The following CHST10 variants were observed in gnomAD, a reference collection of about 807,000 sequenced individuals.
CHST10 encodes HNK-1 sulfotransferase.
In CHST10, 24 loss-of-function variants were observed where a neutral mutation model predicts 34.7. The observed-to-expected ratio is 0.69, with a 90% CI of 0.50 to 0.97. The LOEUF is 0.97. CHST10 is among the 50% of genes least tolerant of loss of function. The pLI is 0.00. For synonymous variants in CHST10, 161 were observed against 169.3 expected, an observed-to-expected ratio of 0.95 and a Z score of 0.38; for missense variants, 402 against 452.1, an observed-to-expected ratio of 0.89 and a Z score of 1.00.
intron 5 of CHST10, among the ~76,000 whole-genome samples, chr2:100,396,549 T>C (rs551230501): frequency 2.6e-5 from 4 of 152,338 alleles, no homozygotes; most frequent in South Asian, 2.1e-4. Context: ...GTCTGTTTTA[T>C]TGATTCCTCC....
intron 1 of CHST10, chr2:100,416,754 G>A: frequency 2.8e-6 from 1 of 355,532 alleles, no homozygotes. Context: ...GAGCTAACCA[G>A]AACCTGGCTG....
chr2:100,396,489 C>G (rs915538713), intron 5 of CHST10, among the ~76,000 whole-genome samples: 1 of 152,196 alleles, frequency 6.6e-6, no homozygotes, highest in Admixed American at 6.5e-5. Context: ...AGATTGGAGT[C>G]CTGGCAGGGA....
chr2:100,396,648 A>G (rs1421525003), intron 5 of CHST10, among the ~76,000 whole-genome samples: 1 of 152,102 alleles, frequency 6.6e-6, no homozygotes, highest in South Asian at 2.1e-4. Flanking sequence ...TCTCAAGGGG[A>G]CAATGACAGA....
chr2:100,406,718 C>T lies in CHST10; in HGVS notation c.-32-11G>A. 6 of 1,611,740 alleles carry T rather than the reference C, an allele frequency of 3.7e-6. No homozygotes were observed. Among genetic ancestry groups the T allele is most frequent in the Non-Finnish European group, 4.2e-6 (5 of 1,178,990 alleles). Reference sequence around the variant, plus strand: ...ATTCACTGACTCTTCCTGGAAAACACAAGCGAGATGCCCCTGCTGCTTACA... The same window carrying T: ...ATTCACTGACTCTTCCTGGAAAACATAAGCGAGATGCCCCTGCTGCTTACA... On this transcript the variant is annotated splice_polypyrimidine_tract_variant and intron_variant, in intron 2 of 6. Coordinates refer to ENST00000264249, the MANE Select transcript of CHST10 (RefSeq NM_004854.5).
rs146092396 is a variant in CHST10, at chr2:100,405,887, A to G, written c.100+689T>C. Among the ~76,000 whole-genome samples, 727 of 152,264 alleles carry G rather than the reference A, an allele frequency of 4.8e-3. 4 individuals carry two copies. Among genetic ancestry groups the G allele is most frequent in the Middle Eastern group, 0.02 (6 of 294 alleles). Reference sequence around the variant, plus strand: ...CCTCTTTGGACATATCCAGCACTCCACAGACCACAGAGCACCTCACCATGC... The same window carrying G: ...CCTCTTTGGACATATCCAGCACTCCGCAGACCACAGAGCACCTCACCATGC... On this transcript the variant is annotated intron_variant, in intron 3 of 6. Transcript: ENST00000264249.
intron 2 of CHST10, among the ~76,000 whole-genome samples, chr2:100,410,256 C>T (rs1269086367): frequency 3.3e-5 from 5 of 152,236 alleles, no homozygotes; most frequent in African/African-American, 9.6e-5. Flanking sequence ...GCAGGGCCTG[C>T]TCCCTTTCCC....
In CHST10 at chr2:100,410,758, T is replaced by C. The variant is rs1010453833; in HGVS notation, c.-32-4051A>G. On this transcript the variant is annotated intron_variant, in intron 2 of 6. Transcript: ENST00000264249. ...AATGATCTAAGCCACAGCATGTATA[T>C]GCATTCAAATACACTTACTACTTAA... 1.3e-5 allele frequency among the ~76,000 whole-genome samples: 2 copies of C among 152,224 alleles called. 1 individual carries two copies. The highest frequency in any genetic ancestry group is 3.9e-4 in the East Asian group (2 of 5,194).
Position 100,395,491 on chromosome 2 carries a change from T to G in CHST10, c.533+18A>C, listed in dbSNP as rs1437621188. 6.2e-7 allele frequency: 1 copy of G among 1,604,192 alleles called. No individual in the cohort carries two copies. The highest frequency in any genetic ancestry group is 8.5e-7 in the Non-Finnish European group (1 of 1,171,892). ...TTTACAAAAACTCCCCCCTCCCCTT[T>G]GAGGAAGCTGTTCTCACCGCTTCTG... is the stretch of plus-strand genomic sequence containing the variant. On this transcript the variant is annotated intron_variant, in intron 6 of 6. Transcript: ENST00000264249.
At position 100,393,165 on chromosome 2, in the gene CHST10, A is replaced by C. The variant is rs1674873452; in HGVS notation, c.*80T>G. On this transcript the variant is annotated 3_prime_UTR_variant, in exon 7 of 7. Coordinates refer to ENST00000264249, the MANE Select transcript of CHST10 (RefSeq NM_004854.5). ...CCTCAAAGGAGGGGTGTGGTGGAGG[A>C]AGGGTCATTTCTGGGCTCAGATCTT... The C allele has an allele frequency of 2.7e-6, 4 of 1,478,610 alleles. No homozygotes were observed. The highest frequency in any genetic ancestry group is 1.9e-5 in the Admixed American group (1 of 53,614). 91.6% of individuals were successfully genotyped at this position (1,478,610 alleles called of 1,614,324 possible).
At position 100,398,098 on chromosome 2, in the gene CHST10, C is replaced by A; in HGVS notation, c.237G>T (p.Leu79=). ...ELPDSQLVQP[L]VYMERLELIR... is the part of the protein sequence containing the mutation. ...TGAGTTCCAGGCGCTCCATGTAGAC[C>A]AGGGGCTGAACGAGCTGGCTGTCTG... Residue 79 remains leucine, a synonymous_variant, in exon 5 of 7, where the codon CTG becomes CTT. Coordinates refer to ENST00000264249, the MANE Select transcript of CHST10 (RefSeq NM_004854.5). 6.2e-7 allele frequency: 1 copy of A among 1,613,868 alleles called. No homozygotes were observed. The highest frequency in any genetic ancestry group is 1.7e-5 in the Admixed American group (1 of 60,014).
intron 4 of CHST10, among the ~76,000 whole-genome samples, chr2:100,400,484 C>T (rs2104339646): frequency 6.6e-6 from 1 of 152,358 alleles, no homozygotes; most frequent in South Asian, 2.1e-4. Context: ...AATCGATTCT[C>T]CTGCCTTAGC....
intron 2 of CHST10, among the ~76,000 whole-genome samples, chr2:100,412,564 G>A (rs1419782490): frequency 1.3e-5 from 2 of 152,164 alleles, no homozygotes; most frequent in African/African-American, 2.4e-5. Context: ...ACTCTAATGA[G>A]CAGCTGGGAC....
In CHST10 at chr2:100,413,449, G is replaced by A. The variant is rs182898321; in HGVS notation, c.-33+1592C>T. 5.4e-4 allele frequency among the ~76,000 whole-genome samples: 82 copies of A among 152,286 alleles called. 1 individual carries two copies. The highest frequency in any genetic ancestry group is 4.3e-3 in the Admixed American group (66 of 15,306). ...CCAAGCCAGAGGGTTTGGTTCCTCA[G>A]TTCAACCCACAAGGATGAACTGGCA... On this transcript the variant is annotated intron_variant, in intron 2 of 6. Coordinates refer to ENST00000264249, the MANE Select transcript of CHST10 (RefSeq NM_004854.5).
At chr2:100,407,245 G>A (rs1363824456) in intron 2 of CHST10, among the ~76,000 whole-genome samples, 2 of 152,156 alleles carry the variant, frequency 1.3e-5, no homozygotes, top group African/African-American at 4.8e-5. Context: ...GACGCTTCTC[G>A]CCTCCGCCCA....
chr2:100,417,100 A>C (rs1676098397), intron 1 of CHST10: 1 of 1,286,566 alleles, frequency 7.8e-7, no homozygotes. Flanking sequence ...TTCTCAGCCA[A>C]GGATGAAAGA....
intron 4 of CHST10, among the ~76,000 whole-genome samples, chr2:100,400,709 G>A (rs146869413): frequency 1.2e-3 from 186 of 151,860 alleles, no homozygotes; most frequent in African/African-American, 4.2e-3. Flanking sequence ...ACCGAGTTTC[G>A]CTCTTGTTGC....
intron 3 of CHST10, 96 bp downstream of exon 3, chr2:100,406,480 A>G: frequency 6.7e-7 from 1 of 1,485,698 alleles, no homozygotes; most frequent in South Asian, 1.3e-5. Flanking sequence ...AAGTCCTTTG[A>G]CTCTGTGACA....
At chr2:100,399,875 T>A (rs937553123) in intron 4 of CHST10, among the ~76,000 whole-genome samples, 1 of 152,146 alleles carries the variant, frequency 6.6e-6, no homozygotes, top group Non-Finnish European at 1.5e-5. Flanking sequence ...CTTTGCAGAG[T>A]GGCCTCCGTT....
chr2:100,396,171 C>A (rs1323000022), intron 5 of CHST10, among the ~76,000 whole-genome samples: 1 of 152,212 alleles, frequency 6.6e-6, no homozygotes, highest in African/African-American at 2.4e-5. Context: ...GAGCAAAGAC[C>A]TTTTGATGCT....
Sources: allele counts gnomAD v4.1 joint callset (sites outside exome capture counted in the v4.1 genomes callset), GRCh38; gene constraint gnomAD v4.1.1; transcripts MANE v1.5; gene names NCBI Gene and HGNC (gene_info 2026-07-23, HGNC 2026-07-21).